The following MAP3K7 variants were observed in gnomAD, a reference collection of about 807,000 sequenced individuals.
MAP3K7 encodes TGF-beta activated kinase 1.
MAP3K7 carries 21 observed loss-of-function variants against 84.8 expected under a neutral mutation model. The ratio of observed to expected loss-of-function variants is 0.25; its 90% CI spans 0.18 to 0.36. The LOEUF is 0.36. Ranked by LOEUF, MAP3K7 falls within the 10% of genes least tolerant of loss-of-function variation. The pLI is 1.00. For missense variants in MAP3K7, 503 were observed against 747.7 expected (o/e 0.67, Z 3.82); for synonymous variants, 241 against 247.7 (o/e 0.97, Z 0.25).
intron 1 of MAP3K7, among the ~76,000 whole-genome samples, chr6:90,576,326 G>A (rs1191574404): frequency 2.6e-5 from 4 of 151,948 alleles, no homozygotes; most frequent in Admixed American, 2.0e-4. Flanking sequence ...GGGAGGCTGA[G>A]GCAGGAGAAT....
intron 12 of MAP3K7, among the ~76,000 whole-genome samples, chr6:90,539,372 G>C (rs899812667): frequency 2.0e-5 from 3 of 151,820 alleles, no homozygotes; most frequent in East Asian, 3.9e-4. Flanking sequence ...GCCACAAATA[G>C]AGAATTTTAT....
At chr6:90,556,246 A>C (rs1260570939) in intron 6 of MAP3K7, among the ~76,000 whole-genome samples, 4 of 152,254 alleles carry the variant, frequency 2.6e-5, no homozygotes, top group Non-Finnish European at 5.9e-5. Context: ...AATGTTAGCA[A>C]ATAGGCAATT....
chr6:90,546,405 A>G (rs546840713), intron 11 of MAP3K7, among the ~76,000 whole-genome samples: 2 of 152,324 alleles, frequency 1.3e-5, no homozygotes, highest in South Asian at 4.1e-4. Context: ...AAGATGGGGT[A>G]AATACACAAA....
chr6:90,586,668 T>TA, intron 1 of MAP3K7, 96 bp downstream of exon 1: 1 of 1,475,710 alleles, frequency 6.8e-7, no homozygotes, highest in Non-Finnish European at 9.0e-7. Flanking sequence ...TCCCGCGAAT[T>TA]AGAGGGGCCC....
At chr6:90,586,002 C>T (rs567533789) in intron 1 of MAP3K7, among the ~76,000 whole-genome samples, 3 of 152,320 alleles carry the variant, frequency 2.0e-5, no homozygotes, top group African/African-American at 4.8e-5. Flanking sequence ...ACTAATTTAA[C>T]AAGCATTTAT....
At chr6:90,544,457 T>A in intron 12 of MAP3K7, 95 bp downstream of exon 12, 2 of 1,042,502 alleles carry the variant, frequency 1.9e-6, no homozygotes, top group Non-Finnish European at 3.0e-6. Context: ...CATTTTCATG[T>A]CTTGTAAAAA....
chr6:90,555,988 A>C (rs2127976528), intron 6 of MAP3K7, among the ~76,000 whole-genome samples: 1 of 152,336 alleles, frequency 6.6e-6, no homozygotes, highest in Non-Finnish European at 1.5e-5. Context: ...TTAAGTAGCA[A>C]AATTACCAAC....
chr6:90,555,325 G>A (rs1206488131), intron 6 of MAP3K7, among the ~76,000 whole-genome samples: 1 of 151,422 alleles, frequency 6.6e-6, no homozygotes, highest in Non-Finnish European at 1.5e-5. Flanking sequence ...GCACGATCTC[G>A]GCTCACTGCA....
At chr6:90,542,299 C>T (rs1775878046) in intron 12 of MAP3K7, 2 of 983,444 alleles carry the variant, frequency 2.0e-6, no homozygotes, top group Non-Finnish European at 2.4e-6. Context: ...GTCAATTCTA[C>T]AGCTTGTATT....
chr6:90,524,086 C>T (rs1483137249), intron 13 of MAP3K7, among the ~76,000 whole-genome samples: 2 of 152,118 alleles, frequency 1.3e-5, no homozygotes, highest in East Asian at 3.9e-4. Flanking sequence ...CACCAATGGC[C>T]TAGAGCTACT....
At position 90,556,488 on chromosome 6, in the gene MAP3K7, T is replaced by C. The variant is rs752606647; in HGVS notation, c.607+12A>G. Reference sequence around the variant, plus strand: ...GGAGATTATCAAACATACCATACTTTTGCCATTTTACCTTCAAAAACTTCA... The same window carrying C: ...GGAGATTATCAAACATACCATACTTCTGCCATTTTACCTTCAAAAACTTCA... On this transcript the variant is annotated intron_variant, in intron 6 of 16. Transcript: ENST00000369329. The C allele has an allele frequency of 1.2e-6, 2 of 1,609,036 alleles. No individual in the cohort carries two copies. The highest frequency in any genetic ancestry group is 1.7e-5 in the Admixed American group (1 of 58,970).
At chr6:90,547,431 A>C (rs774125146) in intron 10 of MAP3K7, 44 bp from the exon 11 acceptor site, 2 of 1,599,424 alleles carry the variant, frequency 1.3e-6, no homozygotes, top group African/African-American at 2.7e-5. Context: ...AGTTCTTTAG[A>C]TTTAGCAATC....
Position 90,516,684 on chromosome 6 carries a change from A to G in MAP3K7, c.1641-3T>C. ...CCAGTTCTGCAACTAGTTCTTGCCT[A>G]CAAACAAATACCACATAATATTACA... On this transcript the variant is annotated splice_polypyrimidine_tract_variant and splice_region_variant and intron_variant, in intron 16 of 16. Coordinates refer to ENST00000369329, the MANE Select transcript of MAP3K7 (RefSeq NM_145331.3). 1 of 1,593,232 alleles carries G rather than the reference A, an allele frequency of 6.3e-7. No individual in the cohort carries two copies. The highest frequency in any genetic ancestry group is 8.5e-7 in the Non-Finnish European group (1 of 1,173,218).
chr6:90,553,397 G>A, intron 7 of MAP3K7, 61 bp downstream of exon 7: 5 of 1,455,148 alleles, frequency 3.4e-6, no homozygotes, highest in Admixed American at 3.7e-5. Context: ...AAGGGGACAG[G>A]AGTAGTCTTC....
chr6:90,553,639 T>G, intron 6 of MAP3K7, 53 bp from the exon 7 acceptor site: 1 of 1,511,396 alleles, frequency 6.6e-7, no homozygotes, highest in East Asian at 2.3e-5. Flanking sequence ...CCACATGACT[T>G]ACAGAAACAA....
chr6:90,520,032 C>G (rs2127955229), intron 14 of MAP3K7, among the ~76,000 whole-genome samples: 1 of 152,080 alleles, frequency 6.6e-6, no homozygotes, highest in East Asian at 1.9e-4. Context: ...GTTTATATTT[C>G]AAAAGAGGTA....
At chr6:90,563,931 A>C (rs556052206) in intron 3 of MAP3K7, among the ~76,000 whole-genome samples, 3 of 152,352 alleles carry the variant, frequency 2.0e-5, no homozygotes, top group African/African-American at 7.2e-5. Context: ...CTTAAAGAAA[A>C]GAATTTTCAA....
At position 90,552,134 on chromosome 6, in the gene MAP3K7, C is replaced by G. The variant is rs1434933903; in HGVS notation, c.782G>C (p.Ser261Thr). 6.2e-7 allele frequency: 1 copy of G among 1,612,656 alleles called. No individual in the cohort carries two copies. The highest frequency in any genetic ancestry group is 1.1e-5 in the South Asian group (1 of 90,924). The change falls in exon 8 of 17, where the codon AGC becomes ACC. Residue 261 changes from serine (S) to threonine (T), a missense_variant. Ser to Thr is a moderately conservative substitution (Grantham distance 58, BLOSUM62 1). Transcript: ENST00000369329. Reference protein sequence around the residue: ...LIKNLPKPIESLMTRCWSKDP... With the variant: ...LIKNLPKPIETLMTRCWSKDP... ...TTTAGACCAACAACGAGTCATCAGG[C>G]TCTCAATGGGCTTAGGTAAATTTTT...
Position 90,516,566 on chromosome 6 carries a change from G to C in MAP3K7, c.1756C>G (p.Gln586Glu), listed in dbSNP as rs149129500. The change falls in exon 17 of 17, where the codon CAG becomes GAG. Residue 586 changes from glutamine (Q) to glutamate (E), a missense_variant. By Grantham distance (29) the Gln-to-Glu change is conservative. Transcript: ENST00000369329. ...ACCTCTAGTTGTTTTTTGCATTGCT[G>C]GTAGTAAGTAGAAAGGCTTTTGTTT... Reference protein sequence around the residue: ...DENKSLSTYYQQCKKQLEVIR... With the variant: ...DENKSLSTYYEQCKKQLEVIR... 30 of 1,612,388 alleles carry C rather than the reference G, an allele frequency of 1.9e-5. No individual in the cohort carries two copies. Among genetic ancestry groups the C allele is most frequent in the Non-Finnish European group, 2.3e-5 (27 of 1,179,092 alleles).
Sources: gnomAD v4.1 joint callset for allele counts (sites outside exome capture counted in the v4.1 genomes callset) on GRCh38, gnomAD v4.1.1 for gene constraint, MANE v1.5 for transcripts, NCBI Gene and HGNC (gene_info 2026-07-23, HGNC 2026-07-21) for gene names.